AACS: variants seen among roughly 807,000 people sequenced by gnomAD.
AACS encodes acetoacetyl-CoA synthetase.
AACS carries 69 observed loss-of-function variants against 83.1 expected under a neutral mutation model. The observed-to-expected ratio is 0.83, with a 90% CI of 0.68 to 1.01. The LOEUF (loss-of-function observed/expected upper bound fraction) is 1.01, where lower values mean the gene tolerates loss of function less well. Among genes scored for constraint, AACS ranks in the 50% least tolerant of loss-of-function variants. The pLI is 0.00. For synonymous variants in AACS, 333 were observed against 343.4 expected (o/e 0.97, Z 0.33); for missense variants, 866 against 882.2 (o/e 0.98, Z 0.23).
In AACS at chr12:125,128,154, C is replaced by T. The variant is rs777287591; in HGVS notation, c.1310-7C>T. The T allele has an allele frequency of 6.2e-7, 1 of 1,602,750 alleles. No individual in the cohort carries two copies. The highest frequency in any genetic ancestry group is 1.7e-4 in the Middle Eastern group (1 of 6,020). ...AATTTTGAGTCTCCCTTTGCCATTG[C>T]TTGCAGGAGGCACCGACATCATCTC... On this transcript the variant is annotated splice_region_variant and splice_polypyrimidine_tract_variant and intron_variant, in intron 12 of 17. Coordinates refer to ENST00000316519, the MANE Select transcript of AACS (RefSeq NM_023928.5).
intron 16 of AACS, among the ~76,000 whole-genome samples, chr12:125,135,525 AGT>A (rs1957389383): frequency 6.6e-6 from 1 of 152,144 alleles, no homozygotes; most frequent in Non-Finnish European, 1.5e-5. Flanking sequence ...ACAACTGTAC[AGT>A]GGAGTCACCT....
chr12:125,124,759 C>T lies in AACS; in HGVS notation c.1176C>T (p.Ala392=). Residue 392 remains alanine, a synonymous_variant, in exon 11 of 18, where the codon GCC becomes GCT. Coordinates refer to ENST00000316519, the MANE Select transcript of AACS (RefSeq NM_023928.5). ...AKWLSVLEEK[A]MKPVETHSLQ... Reference sequence around the variant, plus strand: ...GGCTGTCAGTGCTGGAAGAGAAGGCCATGAAGCCGGGTGAGTGTGCCTCTT... The same window carrying T: ...GGCTGTCAGTGCTGGAAGAGAAGGCTATGAAGCCGGGTGAGTGTGCCTCTT... 1 of 1,614,190 alleles carries T rather than the reference C, an allele frequency of 6.2e-7. No homozygotes were observed.
intron 8 of AACS, among the ~76,000 whole-genome samples, chr12:125,112,572 T>C (rs1350113655): frequency 6.7e-6 from 1 of 150,154 alleles, no homozygotes; most frequent in Admixed American, 6.7e-5. Context: ...CCCAGCTACT[T>C]GGGAGGCTGA....
intron 9 of AACS, chr12:125,117,438 T>C (rs1328018526): frequency 2.0e-5 from 3 of 151,932 alleles, no homozygotes; most frequent in Admixed American, 2.0e-4. Context: ...TGTTTCTCCA[T>C]AGAGACCAGG....
At position 125,080,661 on chromosome 12, in the gene AACS, C is replaced by T. The variant is rs1298483124; in HGVS notation, c.358+4050C>T. Among the ~76,000 whole-genome samples, 4 of 151,574 alleles carry T rather than the reference C, an allele frequency of 2.6e-5. No individual in the cohort carries two copies. The South Asian group carries it at 8.4e-4, about 32-fold the overall frequency. ...CTTCTCTTAAGTATTTGAGCCCCCC[C>T]TTTTTAAAATTATTTTTTATTTATT... is the stretch of plus-strand genomic sequence containing the variant. On this transcript the variant is annotated intron_variant, in intron 3 of 17. Transcript: ENST00000316519.
intron 5 of AACS, among the ~76,000 whole-genome samples, chr12:125,100,712 C>T (rs138808887): frequency 3.0e-4 from 45 of 152,180 alleles, no homozygotes; most frequent in Non-Finnish European, 5.1e-4. Context: ...GCAGAGTGTC[C>T]GATTCATTAG....
At chr12:125,070,320 A>G (rs1480974308) in intron 1 of AACS, among the ~76,000 whole-genome samples, 2 of 152,186 alleles carry the variant, frequency 1.3e-5, no homozygotes, top group Non-Finnish European at 2.9e-5. Context: ...GGGGTCCAGC[A>G]CAACAGCAGT....
chr12:125,084,665 A>G (rs1186788546), intron 3 of AACS, among the ~76,000 whole-genome samples: 1 of 151,648 alleles, frequency 6.6e-6, no homozygotes, highest in East Asian at 1.9e-4. Flanking sequence ...GGCAGCCTCA[A>G]CCTCCTGAGC....
At position 125,072,375 on chromosome 12, in the gene AACS, C is replaced by T. The variant is rs538992791; in HGVS notation, c.134-1501C>T. On this transcript the variant is annotated intron_variant, in intron 1 of 17. Transcript: ENST00000316519. ...GACACTGCTGAAGGGCAGGGAGCATCGTGTCTCTTCTTGTCTTCCCCACCG... is the reference window on the plus strand; with the variant it reads ...GACACTGCTGAAGGGCAGGGAGCATTGTGTCTCTTCTTGTCTTCCCCACCG... Among the ~76,000 whole-genome samples the T allele has an allele frequency of 6.6e-5, 10 of 152,272 alleles. No homozygotes were observed. The South Asian group carries it at 1.7e-3, about 25-fold the overall frequency.
chr12:125,126,584 T>TG (rs1957248374), intron 12 of AACS: 1 of 152,110 alleles, frequency 6.6e-6, no homozygotes, highest in South Asian at 2.1e-4. Context: ...GGTCAGTTTT[T>TG]TTTTTTTTTT....
chr12:125,128,597 T>G (rs970503699), intron 13 of AACS: 7 of 202,086 alleles, frequency 3.5e-5, no homozygotes, highest in African/African-American at 1.2e-4. Context: ...GCTCTGAGCT[T>G]CTGAGAACCT....
intron 10 of AACS, chr12:125,123,069 T>G (rs952611562): frequency 6.6e-6 from 1 of 152,138 alleles, no homozygotes; most frequent in Non-Finnish European, 1.5e-5. Context: ...CACCTCTGAG[T>G]GCTGGCGGAG....
rs2343541 is a variant in AACS, at chr12:125,094,216, T to C, written c.570+2693T>C. 0.94 allele frequency among the ~76,000 whole-genome samples: 143,822 copies of C among 152,274 alleles called. 68,007 individuals are homozygous for C. The highest frequency in any genetic ancestry group is 1 in the East Asian group (5,173 of 5,184). On this transcript the variant is annotated intron_variant, in intron 5 of 17. Transcript: ENST00000316519. The surrounding 1 kb of genome is among the most constrained non-coding windows in gnomAD (Gnocchi z 4.1). Reference sequence around the variant, plus strand: ...AGATCTCTACTTAAAAAAGAGATCCTGTTTTTAATTTCCATCATCACCATG... The same window carrying C: ...AGATCTCTACTTAAAAAAGAGATCCCGTTTTTAATTTCCATCATCACCATG...
At chr12:125,067,833 C>G (rs946721777) in intron 1 of AACS, among the ~76,000 whole-genome samples, 1 of 152,176 alleles carries the variant, frequency 6.6e-6, no homozygotes, top group South Asian at 2.1e-4. Context: ...CGTGCTCGGC[C>G]GACTACCTGG....
intron 4 of AACS, among the ~76,000 whole-genome samples, chr12:125,089,592 G>C (rs1324010856): frequency 2.0e-5 from 3 of 152,072 alleles, no homozygotes; most frequent in Non-Finnish European, 2.9e-5. Context: ...CCCCTTATAG[G>C]CTTGAATATG....
At chr12:125,133,002 G>T (rs746323512) in intron 14 of AACS, among the ~76,000 whole-genome samples, 1 of 152,250 alleles carries the variant, frequency 6.6e-6, no homozygotes, top group Non-Finnish European at 1.5e-5. Context: ...ACAGAAGCTG[G>T]CTTCTTTACT....
chr12:125,105,625 C>T (rs891725331), intron 7 of AACS: 1 of 152,180 alleles, frequency 6.6e-6, no homozygotes, highest in Non-Finnish European at 1.5e-5. Flanking sequence ...ATCATGTTAG[C>T]CACTTCATTT....
intron 9 of AACS, among the ~76,000 whole-genome samples, chr12:125,116,010 G>T (rs1369831490): frequency 6.6e-6 from 1 of 152,054 alleles, no homozygotes; most frequent in Non-Finnish European, 1.5e-5. Flanking sequence ...TCTGTGACCA[G>T]CTGTGAATTA....
At position 125,103,974 on chromosome 12, in the gene AACS, C is replaced by T. The variant is rs550595212; in HGVS notation, c.767+893C>T. On this transcript the variant is annotated intron_variant, in intron 7 of 17. Coordinates refer to ENST00000316519, the MANE Select transcript of AACS (RefSeq NM_023928.5). ...CTGCACTCCAGCCTGGGCAAAAAAG[C>T]GAAACTCCGTCTCAAAAAAAAAAAA... Among the ~76,000 whole-genome samples, 9 of 30,490 alleles carry T rather than the reference C, an allele frequency of 3.0e-4. No homozygotes were observed. The East Asian group carries it at 3.1e-3, about 10-fold the overall frequency. The allele number at this position is 30,490 out of a possible 152,430, so 20.0% of individuals were successfully genotyped here. A position where few individuals can be genotyped will look rare whatever the true frequency, so the allele number is the denominator to read the frequency against.
Sources: allele counts gnomAD v4.1 joint callset (sites outside exome capture counted in the v4.1 genomes callset), GRCh38; gene constraint gnomAD v4.1.1; non-coding constraint Gnocchi (gnomAD v3.1); transcripts MANE v1.5; gene names NCBI Gene and HGNC (gene_info 2026-07-23, HGNC 2026-07-21).